ACOT12: variants seen among roughly 807,000 people sequenced by gnomAD.
ACOT12 encodes acyl-CoA thioesterase 12.
ACOT12 carries 51 observed loss-of-function variants against 67.7 expected under a neutral mutation model. That is an observed-to-expected ratio of 0.75 (90% CI 0.60 to 0.95). The LOEUF (loss-of-function observed/expected upper bound fraction) is 0.95. ACOT12 is among the 40% of genes least tolerant of loss of function. The pLI is 0.00. For synonymous variants in ACOT12, 251 were observed against 244.6 expected (o/e 1.03, Z -0.24); for missense variants, 734 against 708.1 (o/e 1.04, Z -0.41).
At chr5:81,351,958 C>T (rs1189528949) in intron 5 of ACOT12, among the ~76,000 whole-genome samples, 1 of 152,104 alleles carries the variant, frequency 6.6e-6, no homozygotes, top group Non-Finnish European at 1.5e-5. Flanking sequence ...TTTGAATAGA[C>T]ATTTCTCAAA....
intron 5 of ACOT12, among the ~76,000 whole-genome samples, chr5:81,350,914 T>C (rs1463235381): frequency 6.6e-6 from 1 of 152,178 alleles, no homozygotes; most frequent in East Asian, 1.9e-4. Context: ...GACGCCTGGT[T>C]TTGTCTCCTG....
chr5:81,312,486 G>T, the ACOT12 span: 1 of 1,333,510 alleles, frequency 7.5e-7, no homozygotes, highest in South Asian at 1.2e-5. Flanking sequence ...ATAACAATCT[G>T]AGTGGATGCA....
intron 5 of ACOT12, among the ~76,000 whole-genome samples, chr5:81,357,054 A>T (rs1759738505): frequency 6.6e-6 from 1 of 151,766 alleles, no homozygotes; most frequent in South Asian, 2.1e-4. Flanking sequence ...CTCTCTAGCA[A>T]TACTCTTGTG....
intron 4 of ACOT12, among the ~76,000 whole-genome samples, chr5:81,362,915 A>G (rs1015085606): frequency 3.3e-5 from 5 of 152,222 alleles, no homozygotes; most frequent in African/African-American, 7.2e-5. Context: ...GTTTAATGTT[A>G]GACTGAGAGT....
At chr5:81,325,582 G>A (rs1395425726), downstream of ACOT12, among the ~76,000 whole-genome samples, 1 of 152,164 alleles carries the variant, frequency 6.6e-6, no homozygotes, top group Admixed American at 6.5e-5. Flanking sequence ...AAGCGGGAAT[G>A]AGTTGTGTCC....
chr5:81,334,000 C>T (rs768742537), intron 12 of ACOT12, among the ~76,000 whole-genome samples: 7 of 152,154 alleles, frequency 4.6e-5, no homozygotes, highest in Non-Finnish European at 8.8e-5. Flanking sequence ...CACCAGCAGA[C>T]GCTGGCAGAC....
At chr5:81,362,527 G>A (rs1446700423) in intron 4 of ACOT12, among the ~76,000 whole-genome samples, 1 of 152,148 alleles carries the variant, frequency 6.6e-6, no homozygotes, top group Non-Finnish European at 1.5e-5. Flanking sequence ...AGGCTGGAGG[G>A]GGAATATGAC....
chr5:81,359,215 C>T (rs34892080), intron 5 of ACOT12, among the ~76,000 whole-genome samples: 3 of 152,150 alleles, frequency 2.0e-5, no homozygotes, highest in Non-Finnish European at 2.9e-5. Context: ...TTCACTTCCT[C>T]CCCTCCCTCA....
intron 2 of ACOT12, among the ~76,000 whole-genome samples, chr5:81,376,120 G>A (rs915182386): frequency 2.6e-5 from 4 of 151,850 alleles, no homozygotes; most frequent in African/African-American, 4.8e-5. Flanking sequence ...GCAAAAGAAC[G>A]GAAATCATAA....
intron 6 of ACOT12, among the ~76,000 whole-genome samples, chr5:81,346,786 T>C (rs924479611): frequency 6.8e-6 from 1 of 146,032 alleles, no homozygotes; most frequent in Non-Finnish European, 1.5e-5. Context: ...GGTTTGTAAC[T>C]ATAGTCATAA....
At chr5:81,371,207 G>A (rs1278637315) in intron 3 of ACOT12, among the ~76,000 whole-genome samples, 1 of 152,114 alleles carries the variant, frequency 6.6e-6, no homozygotes, top group Non-Finnish European at 1.5e-5. Context: ...ATCCTTCTAT[G>A]TAGAAATAGT....
chr5:81,318,947 C>T, the ACOT12 span, among the ~76,000 whole-genome samples: 1 of 152,214 alleles, frequency 6.6e-6, no homozygotes, highest in Non-Finnish European at 1.5e-5. Context: ...TCCAATTCCC[C>T]ACCCCCACCT....
chr5:81,345,217 T>G (rs1046387964), intron 7 of ACOT12, among the ~76,000 whole-genome samples, 176 bp from the exon 8 acceptor site: 3 of 152,192 alleles, frequency 2.0e-5, no homozygotes, highest in Non-Finnish European at 4.4e-5. Flanking sequence ...AAAATCCATT[T>G]TCAGGTCAAT....
At chr5:81,308,746 G>A in the ACOT12 span, 1 of 1,586,566 alleles carries the variant, frequency 6.3e-7, no homozygotes. Flanking sequence ...TTTTGTTCAT[G>A]GGGAAAGCCA....
At chr5:81,340,925 C>G (rs961814722) in intron 11 of ACOT12, among the ~76,000 whole-genome samples, 1 of 152,122 alleles carries the variant, frequency 6.6e-6, no homozygotes, top group Non-Finnish European at 1.5e-5. Flanking sequence ...TAGTAACTAT[C>G]TGTATAAGAA....
intron 6 of ACOT12, among the ~76,000 whole-genome samples, chr5:81,346,420 T>C (rs1561329282): frequency 6.6e-6 from 1 of 152,232 alleles, no homozygotes; most frequent in Non-Finnish European, 1.5e-5. Flanking sequence ...GCTTTACAGT[T>C]AATCAAATTC....
At position 81,332,514 on chromosome 5, in the gene ACOT12, C is replaced by T. The variant is rs760237266; in HGVS notation, c.1354G>A (p.Val452Ile). 9 of 1,613,910 alleles carry T rather than the reference C, an allele frequency of 5.6e-6. No individual in the cohort carries two copies. In the South Asian group the frequency reaches 7.7e-5, roughly 14 times the overall value. The change falls in exon 13 of 15, where the codon GTA becomes ATA. Residue 452 changes from valine (V) to isoleucine (I), a missense_variant. By Grantham distance (29) the Val-to-Ile change is conservative (BLOSUM62 3). Coordinates refer to ENST00000307624, the MANE Select transcript of ACOT12 (RefSeq NM_130767.3). ...ILNDDKPKDLVVLVSRRKPLK... is the reference protein window; with the variant it reads ...ILNDDKPKDLIVLVSRRKPLK... ...GGTTTTCTTCGTGATACGAGTACTACCAAGTCTTTGGGTTTGTCATCATTC... is the reference window on the plus strand; with the variant it reads ...GGTTTTCTTCGTGATACGAGTACTATCAAGTCTTTGGGTTTGTCATCATTC...
chr5:81,371,760 G>C lies in ACOT12; in HGVS notation c.248C>G (p.Thr83Arg). Reference protein sequence around the residue: ...IKAKVTRAFSTSMEISIKVMV... With the variant: ...IKAKVTRAFSRSMEISIKVMV... ...AAAGGTGCCTCTTACCTCCATGCTT[G>C]TGCTGAATGCTCTAGTAACTTTTGC... Residue 83 changes from threonine (T) to arginine (R), a missense_variant, in exon 3 of 15, where the codon ACA becomes AGA. Transcript: ENST00000307624. The C allele has an allele frequency of 1.9e-6, 3 of 1,614,114 alleles. No individual in the cohort carries two copies. The African/African-American group carries it at 4.0e-5, about 22-fold the overall frequency.
chr5:81,381,056 C>T (rs1274764087), intron 2 of ACOT12, among the ~76,000 whole-genome samples: 2 of 151,588 alleles, frequency 1.3e-5, no homozygotes, highest in Non-Finnish European at 2.9e-5. Flanking sequence ...AGTAAAAATG[C>T]AGTATTAAAA....
Sources: allele counts gnomAD v4.1 joint callset (sites outside exome capture counted in the v4.1 genomes callset), GRCh38; gene constraint gnomAD v4.1.1; transcripts MANE v1.5; gene names NCBI Gene and HGNC (gene_info 2026-07-23, HGNC 2026-07-21).